AKAP19: variants seen among roughly 807,000 people sequenced by gnomAD.
The protein encoded by AKAP19 is A-kinase anchoring protein 19.
At chr2:190,103,414 C>A in the AKAP19 span, among the ~76,000 whole-genome samples, 2,563 of 152,296 alleles carry the variant, frequency 0.017, 36 homozygotes, top group Non-Finnish European at 0.026. Flanking sequence ...TTGTTGCTGA[C>A]CATATGATTC....
chr2:189,906,248 C>T, the AKAP19 span, among the ~76,000 whole-genome samples: 1 of 152,034 alleles, frequency 6.6e-6, no homozygotes, highest in African/African-American at 2.4e-5. Context: ...CTCAATTCTG[C>T]AAGTTCCTTA....
chr2:189,980,705 C>G, the AKAP19 span, among the ~76,000 whole-genome samples: 3 of 152,122 alleles, frequency 2.0e-5, no homozygotes, highest in African/African-American at 7.2e-5. Context: ...TATCCTGAAA[C>G]TTTACTGAAT....
the AKAP19 span, among the ~76,000 whole-genome samples, chr2:190,197,263 C>G: frequency 2.1e-4 from 32 of 152,292 alleles, no homozygotes; most frequent in African/African-American, 7.7e-4. This position sits in a 1 kb window ranked among gnomAD's most constrained non-coding sequence, Gnocchi z 4.0. Flanking sequence ...GGGTATACTA[C>G]TGATTCCTAA....
At chr2:190,142,651 G>A in the AKAP19 span, among the ~76,000 whole-genome samples, 2 of 152,188 alleles carry the variant, frequency 1.3e-5, no homozygotes, top group African/African-American at 4.8e-5. Context: ...TGAAAAGAAA[G>A]CCAAGTTGTG....
the AKAP19 span, among the ~76,000 whole-genome samples, chr2:190,054,251 A>T: frequency 1.3e-5 from 2 of 152,182 alleles, no homozygotes; most frequent in Non-Finnish European, 2.9e-5. Flanking sequence ...AGGATTCCCT[A>T]TTTAATAAAT....
At chr2:190,115,874 C>G in the AKAP19 span, among the ~76,000 whole-genome samples, 1 of 152,174 alleles carries the variant, frequency 6.6e-6, no homozygotes, top group Non-Finnish European at 1.5e-5. Context: ...TTTCACATGG[C>G]TACGCCCAGT....
At chr2:190,177,676 G>A in the AKAP19 span, among the ~76,000 whole-genome samples, 95 of 152,352 alleles carry the variant, frequency 6.2e-4, no homozygotes, top group African/African-American at 2.1e-3. The surrounding 1 kb of genome is among the most constrained non-coding windows in gnomAD (Gnocchi z 4.6). Context: ...AGTCAGCTAT[G>A]TACCTCTGTG....
At chr2:190,124,118 C>A in the AKAP19 span, among the ~76,000 whole-genome samples, 1 of 152,224 alleles carries the variant, frequency 6.6e-6, no homozygotes, top group African/African-American at 2.4e-5. Flanking sequence ...ATGCTACTGG[C>A]ATCTCAGGGT....
At chr2:189,926,616 T>C in the AKAP19 span, among the ~76,000 whole-genome samples, 1 of 139,038 alleles carries the variant, frequency 7.2e-6, no homozygotes, top group Non-Finnish European at 1.5e-5. Context: ...AGACGGATTC[T>C]GTCGCCCAGG....
chr2:190,058,060 A>G, the AKAP19 span, among the ~76,000 whole-genome samples: 1 of 152,040 alleles, frequency 6.6e-6, no homozygotes, highest in Non-Finnish European at 1.5e-5. Context: ...TTGGCTAAAT[A>G]TGCCTGGTAA....
the AKAP19 span, among the ~76,000 whole-genome samples, chr2:189,957,680 T>G: frequency 0.012 from 1,805 of 152,332 alleles, 43 homozygotes; most frequent in African/African-American, 0.041. Context: ...ATAGTAAGAC[T>G]TTTTCAATTT....
the AKAP19 span, among the ~76,000 whole-genome samples, chr2:189,926,732 C>CA: frequency 1.3e-5 from 2 of 151,346 alleles, no homozygotes; most frequent in African/African-American, 2.4e-5. Flanking sequence ...AGGCGCCCGC[C>CA]ACCATGCCCG....
At chr2:190,021,134 G>T in the AKAP19 span, among the ~76,000 whole-genome samples, 2 of 151,996 alleles carry the variant, frequency 1.3e-5, no homozygotes, top group Non-Finnish European at 2.9e-5. Context: ...CAATTCTTTT[G>T]GATATATACC....
chr2:190,146,125 G>A, the AKAP19 span, among the ~76,000 whole-genome samples: 11 of 151,904 alleles, frequency 7.2e-5, no homozygotes, highest in South Asian at 6.2e-4. Context: ...ACACTGTACC[G>A]TATTTGTAGT....
chr2:190,090,765 C>T, the AKAP19 span: 1 of 152,034 alleles, frequency 6.6e-6, no homozygotes, highest in Non-Finnish European at 1.5e-5. Flanking sequence ...CTGAACAGGT[C>T]CCTCAAATGG....
the AKAP19 span, among the ~76,000 whole-genome samples, chr2:190,035,124 C>T: frequency 2.0e-5 from 3 of 151,944 alleles, no homozygotes. Flanking sequence ...AAAGTTGGGA[C>T]AAACAGTTGT....
the AKAP19 span, among the ~76,000 whole-genome samples, chr2:190,187,390 C>A: frequency 2.7e-5 from 4 of 149,430 alleles, no homozygotes; most frequent in African/African-American, 9.9e-5. Context: ...TTCGTTTACA[C>A]AGCAGATTTT....
the AKAP19 span, among the ~76,000 whole-genome samples, chr2:190,172,884 G>A: frequency 6.5e-3 from 986 of 152,186 alleles, 33 homozygotes; most frequent in Admixed American, 0.061. Flanking sequence ...AGGCTGAGGC[G>A]TGCCGATCAC....
the AKAP19 span, chr2:189,917,382 T>G: frequency 1.3e-5 from 13 of 977,450 alleles, no homozygotes; most frequent in Non-Finnish European, 1.9e-5. Flanking sequence ...TCTCCATATT[T>G]CCTCATGCCA....
Sources: allele counts gnomAD v4.1 joint callset (sites outside exome capture counted in the v4.1 genomes callset), GRCh38; gene constraint gnomAD v4.1.1; non-coding constraint Gnocchi (gnomAD v3.1); transcripts MANE v1.5; gene names NCBI Gene and HGNC (gene_info 2026-07-23, HGNC 2026-07-21).